Variants in NUBPL observed in about 807,000 individuals in gnomAD.
NUBPL encodes the protein NUBP iron-sulfur cluster assembly factor, mitochondrial.
A neutral mutation model predicts 45.7 loss-of-function variants in NUBPL; 31 were observed. That is an observed-to-expected ratio of 0.68 (90% CI 0.51 to 0.92). The LOEUF is 0.92. Among genes scored for constraint, NUBPL ranks in the 40% least tolerant of loss-of-function variants. The probability of loss-of-function intolerance (pLI) is 0.00; values close to 1 mark genes in which losing one functional copy is unlikely to be tolerated. For missense variants in NUBPL, 401 were observed against 398.7 expected, an observed-to-expected ratio of 1.01 and a Z score of -0.05; for synonymous variants, 144 against 140.9, an observed-to-expected ratio of 1.02 and a Z score of -0.15.
intron 3 of NUBPL, 86 bp from the exon 4 acceptor site, chr14:31,599,203 A>G (rs1192852631): frequency 1.5e-5 from 15 of 996,762 alleles, no homozygotes; most frequent in Middle Eastern, 2.7e-4. Flanking sequence ...TACTGTTGCT[A>G]TATGCTTCAC....
intron 7 of NUBPL, among the ~76,000 whole-genome samples, chr14:31,822,679 A>C (rs963074728): frequency 6.6e-6 from 1 of 152,134 alleles, no homozygotes. Flanking sequence ...AAAATACCCC[A>C]TATATTTCTA....
chr14:31,705,925 C>T (rs113075593), intron 6 of NUBPL, among the ~76,000 whole-genome samples: 14 of 152,178 alleles, frequency 9.2e-5, no homozygotes, highest in Non-Finnish European at 1.9e-4. Context: ...ACCTGGAACC[C>T]GCACTGGCCT....
In NUBPL at chr14:31,736,178, C is replaced by T. The variant is rs548901245; in HGVS notation, c.514-51602C>T. 1.1e-4 allele frequency among the ~76,000 whole-genome samples: 17 copies of T among 152,126 alleles called. No homozygotes were observed. In the East Asian group the frequency reaches 3.3e-3, roughly 29 times the overall value. ...TAAATATATAAAGCCAAATTGCTTCCCAAAAGGATTAGGCGACCTCCAAAG... is the reference window on the plus strand; with the variant it reads ...TAAATATATAAAGCCAAATTGCTTCTCAAAAGGATTAGGCGACCTCCAAAG... On this transcript the variant is annotated intron_variant, in intron 6 of 10. Transcript: ENST00000281081.
At chr14:31,768,958 T>C (rs972436199) in intron 6 of NUBPL, among the ~76,000 whole-genome samples, 13 of 152,112 alleles carry the variant, frequency 8.5e-5, no homozygotes, top group African/African-American at 2.7e-4. Flanking sequence ...GAGAGTTTAT[T>C]TGGGCCAAGC....
chr14:31,832,198 A>G (rs767529690), intron 8 of NUBPL, among the ~76,000 whole-genome samples: 2 of 152,220 alleles, frequency 1.3e-5, no homozygotes, highest in African/African-American at 4.8e-5. Context: ...AAGATGTGAA[A>G]TATTTCTTTT....
At chr14:31,630,124 G>A (rs1222370299) in intron 4 of NUBPL, among the ~76,000 whole-genome samples, 3 of 152,324 alleles carry the variant, frequency 2.0e-5, no homozygotes, top group Middle Eastern at 6.8e-3. Context: ...GTAGCATGCT[G>A]TGATGAAATT....
intron 6 of NUBPL, among the ~76,000 whole-genome samples, chr14:31,750,366 AT>A (rs2038498204): frequency 1.5e-5 from 2 of 136,040 alleles, no homozygotes; most frequent in Non-Finnish European, 1.6e-5. Context: ...TTTAATTTTT[AT>A]TTTTTTTATT....
chr14:31,735,362 T>G (rs1460930226), intron 6 of NUBPL, among the ~76,000 whole-genome samples: 1 of 152,196 alleles, frequency 6.6e-6, no homozygotes, highest in Non-Finnish European at 1.5e-5. Flanking sequence ...TTGTCACTTG[T>G]ACCTTATTTG....
intron 2 of NUBPL, among the ~76,000 whole-genome samples, chr14:31,564,796 A>G (rs1015470800): frequency 1.3e-5 from 2 of 152,102 alleles, no homozygotes; most frequent in Admixed American, 6.5e-5. Flanking sequence ...TTATTGGCAA[A>G]TTACTTTTTT....
In NUBPL at chr14:31,599,309, A is replaced by G; in HGVS notation, c.312A>G (p.Leu104=). ...TACAGTCCAAGGCCATTGGTTTGCTAGATGTGGATGTGTATGGACCTTCAG... is the reference window on the plus strand; with the variant it reads ...TACAGTCCAAGGCCATTGGTTTGCTGGATGTGGATGTGTATGGACCTTCAG... ...ANDSSKAIGL[L]DVDVYGPSVP... The change falls in exon 4 of 11, where the codon CTA becomes CTG. Residue 104 remains leucine, a synonymous_variant. Coordinates refer to ENST00000281081, the MANE Select transcript of NUBPL (RefSeq NM_025152.3). 1.2e-6 allele frequency: 2 copies of G among 1,612,182 alleles called. No individual in the cohort carries two copies. The highest frequency in any genetic ancestry group is 1.7e-6 in the Non-Finnish European group (2 of 1,178,646).
At chr14:31,857,528 A>C (rs1318885022) in intron 10 of NUBPL, among the ~76,000 whole-genome samples, 1 of 152,128 alleles carries the variant, frequency 6.6e-6, no homozygotes, top group Non-Finnish European at 1.5e-5. Flanking sequence ...TTAGGCTGCA[A>C]ATTTTCTAAA....
intron 6 of NUBPL, among the ~76,000 whole-genome samples, chr14:31,701,603 T>G (rs1165385556): frequency 6.6e-6 from 1 of 152,204 alleles, no homozygotes; most frequent in Non-Finnish European, 1.5e-5. Context: ...GCTTCACTCC[T>G]GAAGCCAGCG....
In NUBPL at chr14:31,621,615, G is replaced by A. The variant is rs548742305; in HGVS notation, c.382+22236G>A. Among the ~76,000 whole-genome samples the A allele has an allele frequency of 1.1e-4, 17 of 152,252 alleles. No individual in the cohort carries two copies. The South Asian group carries it at 2.5e-3, about 22-fold the overall frequency. Reference sequence around the variant, plus strand: ...TGCTTTGGCTCACCCTCCATGGGCCGTACCCACTGTCCAACCAGTCCCAAT... The same window carrying A: ...TGCTTTGGCTCACCCTCCATGGGCCATACCCACTGTCCAACCAGTCCCAAT... On this transcript the variant is annotated intron_variant, in intron 4 of 10. Coordinates refer to ENST00000281081, the MANE Select transcript of NUBPL (RefSeq NM_025152.3).
At chr14:31,687,816 A>G (rs4981111) in intron 6 of NUBPL, among the ~76,000 whole-genome samples, 85,711 of 152,116 alleles carry the variant, frequency 0.56, 26,922 homozygotes, top group African/African-American at 0.86. Context: ...GGAAAATCAC[A>G]ACATTACAAA....
intron 6 of NUBPL, chr14:31,714,505 TG>T: frequency 1.2e-5 from 2 of 160,822 alleles, no homozygotes; most frequent in Non-Finnish European, 1.3e-5. Flanking sequence ...AAGGCAAAGG[TG>T]GGGAGCAGGC....
chr14:31,682,903 T>C (rs1460567607), intron 6 of NUBPL, among the ~76,000 whole-genome samples: 2 of 152,116 alleles, frequency 1.3e-5, no homozygotes, highest in Non-Finnish European at 2.9e-5. Context: ...AACATCTGCT[T>C]CTGGTGAAGG....
At chr14:31,635,247 A>T (rs1299988307) in intron 4 of NUBPL, among the ~76,000 whole-genome samples, 1 of 152,102 alleles carries the variant, frequency 6.6e-6, no homozygotes, top group East Asian at 1.9e-4. Context: ...TCTTTAATCC[A>T]TCTTGAATTA....
chr14:31,717,517 C>T (rs1595537726), intron 6 of NUBPL, among the ~76,000 whole-genome samples: 1 of 152,310 alleles, frequency 6.6e-6, no homozygotes, highest in East Asian at 1.9e-4. Flanking sequence ...CCCACATTTT[C>T]CCCTATCATA....
intron 4 of NUBPL, among the ~76,000 whole-genome samples, chr14:31,629,848 G>T (rs916054600): frequency 5.3e-5 from 8 of 152,030 alleles, no homozygotes; most frequent in African/African-American, 1.9e-4. Flanking sequence ...CTGTCATTCT[G>T]TGGTTTGTGA....
Sources: allele counts gnomAD v4.1 joint callset (sites outside exome capture counted in the v4.1 genomes callset), GRCh38; gene constraint gnomAD v4.1.1; transcripts MANE v1.5; gene names NCBI Gene and HGNC (gene_info 2026-07-23, HGNC 2026-07-21).